Variants in ENTREP2 observed in about 807,000 individuals in gnomAD.
ENTREP2 encodes protein ENTREP2.
At chr15:29,130,140 T>C in the ENTREP2 span, among the ~76,000 whole-genome samples, 2 of 152,172 alleles carry the variant, frequency 1.3e-5, no homozygotes, top group African/African-American at 4.8e-5. Context: ...GGGTGTGAGC[T>C]GCCCCCACAG....
chr15:29,649,808 T>C, the ENTREP2 span, among the ~76,000 whole-genome samples: 1 of 152,168 alleles, frequency 6.6e-6, no homozygotes, highest in South Asian at 2.1e-4. Context: ...CAGGTTGTTC[T>C]GTCAATTTCA....
the ENTREP2 span, chr15:29,612,602 CTG>C: frequency 7.8e-5 from 12 of 153,960 alleles, no homozygotes; most frequent in Admixed American, 1.3e-4. Flanking sequence ...AGACAGGACA[CTG>C]TGGCAGTCAG....
At chr15:29,234,270 G>C in the ENTREP2 span, 1 of 1,612,612 alleles carries the variant, frequency 6.2e-7, no homozygotes, top group Non-Finnish European at 8.5e-7. Flanking sequence ...GGAGTTTTAA[G>C]TTCTCGTGCT....
chr15:29,295,362 C>A, the ENTREP2 span, among the ~76,000 whole-genome samples: 1 of 152,112 alleles, frequency 6.6e-6, no homozygotes. Flanking sequence ...CTGGTCACTC[C>A]CAGGAAGCCA....
chr15:29,606,872 C>A, the ENTREP2 span, among the ~76,000 whole-genome samples: 1 of 152,046 alleles, frequency 6.6e-6, no homozygotes, highest in Admixed American at 6.6e-5. Flanking sequence ...CTCTGTCACC[C>A]AGGCTGGAGT....
chr15:29,163,414 C>A, the ENTREP2 span, among the ~76,000 whole-genome samples: 2 of 151,506 alleles, frequency 1.3e-5, no homozygotes, highest in African/African-American at 4.9e-5. Flanking sequence ...ATCCAAAAAA[C>A]GATACAAGAA....
At chr15:29,143,287 G>A in the ENTREP2 span, among the ~76,000 whole-genome samples, 1 of 152,234 alleles carries the variant, frequency 6.6e-6, no homozygotes, top group South Asian at 2.1e-4. Context: ...AAATGGTTAC[G>A]GCTGGAATTT....
the ENTREP2 span, among the ~76,000 whole-genome samples, chr15:29,662,295 G>T: frequency 6.6e-6 from 1 of 151,162 alleles, no homozygotes; most frequent in Non-Finnish European, 1.5e-5. Context: ...AAGCTACTCT[G>T]CCATGGGTTA....
chr15:29,261,094 C>T, the ENTREP2 span, among the ~76,000 whole-genome samples: 3 of 152,160 alleles, frequency 2.0e-5, no homozygotes, highest in African/African-American at 7.2e-5. Flanking sequence ...AGGTAATAAA[C>T]ATACTGTGAA....
the ENTREP2 span, chr15:29,123,622 C>T: frequency 1.2e-5 from 18 of 1,550,714 alleles, no homozygotes; most frequent in African/African-American, 1.4e-4. Flanking sequence ...AAGCTGGGCC[C>T]GACAGGCAGC....
the ENTREP2 span, chr15:29,123,192 C>T: frequency 1.2e-6 from 1 of 854,316 alleles, no homozygotes; most frequent in Non-Finnish European, 1.8e-6. Flanking sequence ...TCCCTGCCCA[C>T]ACCGCCCCCA....
At chr15:29,135,570 T>C in the ENTREP2 span, among the ~76,000 whole-genome samples, 7 of 152,194 alleles carry the variant, frequency 4.6e-5, no homozygotes, top group South Asian at 4.1e-4. The surrounding 1 kb of genome is among the most constrained non-coding windows in gnomAD (Gnocchi z 7.4). Flanking sequence ...ACTGACTTGC[T>C]GAATTCAGAA....
At chr15:29,634,134 C>G in the ENTREP2 span, among the ~76,000 whole-genome samples, 4 of 152,044 alleles carry the variant, frequency 2.6e-5, no homozygotes, top group African/African-American at 9.7e-5. Flanking sequence ...TTCAGATGCC[C>G]CTTCATGTGC....
chr15:29,214,083 T>C, the ENTREP2 span, among the ~76,000 whole-genome samples: 1 of 152,188 alleles, frequency 6.6e-6, no homozygotes, highest in Non-Finnish European at 1.5e-5. Flanking sequence ...ACTTTTACAC[T>C]GTTGGTGGGA....
At chr15:29,504,146 C>T in the ENTREP2 span, among the ~76,000 whole-genome samples, 1,715 of 152,194 alleles carry the variant, frequency 0.011, 28 homozygotes, top group African/African-American at 0.039. Context: ...CATTAAGGTG[C>T]CCCAGGAATT....
the ENTREP2 span, among the ~76,000 whole-genome samples, chr15:29,542,719 T>A: frequency 2.6e-5 from 4 of 152,238 alleles, no homozygotes; most frequent in Middle Eastern, 3.4e-3. Context: ...CTGAAACTGC[T>A]CCCACTGAAC....
the ENTREP2 span, among the ~76,000 whole-genome samples, chr15:29,350,178 A>C: frequency 2.6e-5 from 4 of 151,946 alleles, no homozygotes; most frequent in Non-Finnish European, 5.9e-5. Flanking sequence ...GGATTTTTCA[A>C]CTCTAATTTG....
At chr15:29,123,307 C>T in the ENTREP2 span, 6 of 1,476,240 alleles carry the variant, frequency 4.1e-6, no homozygotes, top group African/African-American at 4.2e-5. Flanking sequence ...TGGCGCCAGG[C>T]GTTGGTGTCC....
chr15:29,385,352 A>T, the ENTREP2 span, among the ~76,000 whole-genome samples: 4 of 152,164 alleles, frequency 2.6e-5, no homozygotes, highest in African/African-American at 9.7e-5. Flanking sequence ...TCATTCCACA[A>T]ATCCCCTCAC....
Sources: gnomAD v4.1 joint callset for allele counts (sites outside exome capture counted in the v4.1 genomes callset) on GRCh38, gnomAD v4.1.1 for gene constraint, Gnocchi (gnomAD v3.1) non-coding constraint, MANE v1.5 for transcripts, NCBI Gene and HGNC (gene_info 2026-07-23, HGNC 2026-07-21) for gene names.